The following GTF2F1 variants were observed in gnomAD, a reference collection of about 807,000 sequenced individuals.
GTF2F1 encodes general transcription factor IIF 74 kDa subunit.
GTF2F1 carries 39 observed loss-of-function variants against 63.5 expected under a neutral mutation model. The observed-to-expected ratio is 0.61, with a 90% CI of 0.48 to 0.80. The LOEUF (loss-of-function observed/expected upper bound fraction) is 0.80. Ranked by LOEUF, GTF2F1 falls within the 30% of genes least tolerant of loss-of-function variation. The pLI is 0.00. For synonymous variants in GTF2F1, 287 were observed against 285.3 expected, an observed-to-expected ratio of 1.01 and a Z score of -0.06; for missense variants, 657 against 718.3, an observed-to-expected ratio of 0.91 and a Z score of 0.97.
rs1287834159 is a variant in GTF2F1, at chr19:6,382,816, AAAAG to A, written c.682+491_682+494del. On this transcript the variant is annotated intron_variant, in intron 6 of 12. Transcript: ENST00000394456. ...TCCTGTCTCAAAAAAAAAAAAAAAA[AAAAG>A]AAGGGCCATGGCTCAGCTCTCCCGG... Among the ~76,000 whole-genome samples the A allele has an allele frequency of 5.9e-5, 9 of 151,564 alleles. No individual in the cohort carries two copies. The East Asian group carries it at 1.7e-3, about 29-fold the overall frequency.
chr19:6,385,596 C>G (rs1295798786), intron 5 of GTF2F1, among the ~76,000 whole-genome samples: 1 of 152,066 alleles, frequency 6.6e-6, no homozygotes, highest in Non-Finnish European at 1.5e-5. Context: ...AGGAACTCAA[C>G]CAAAGTGGAG....
Position 6,381,008 on chromosome 19 carries a change from G to T in GTF2F1, c.1127C>A (p.Pro376Gln). 1 of 1,610,980 alleles carries T rather than the reference G, an allele frequency of 6.2e-7. No individual in the cohort carries two copies. Residue 376 changes from proline (P) to glutamine (Q), a missense_variant, in exon 11 of 13, where the codon CCG becomes CAG. Coordinates refer to ENST00000394456, the MANE Select transcript of GTF2F1 (RefSeq NM_002096.3). The surrounding 1 kb of genome is among the most constrained non-coding windows in gnomAD (Gnocchi z 4.1). The part of the protein sequence containing the change: ...KKTPPKRERK[P>Q]SGGSSRGNSR... Reference sequence around the variant, plus strand: ...GTTGCCCCTTGAGCTCCCTCCCGACGGCTTCCGCTCTCTCTTGGGTGGCGT... The same window carrying T: ...GTTGCCCCTTGAGCTCCCTCCCGACTGCTTCCGCTCTCTCTTGGGTGGCGT...
At chr19:6,384,167 G>A (rs537068796) in intron 5 of GTF2F1, among the ~76,000 whole-genome samples, 12 of 151,434 alleles carry the variant, frequency 7.9e-5, no homozygotes, top group East Asian at 3.9e-4. Flanking sequence ...GTTTCCATTG[G>A]AACAATGTAA....
chr19:6,393,118 C>T lies in GTF2F1; in HGVS notation c.-123G>A. On this transcript the variant is annotated 5_prime_UTR_variant, in exon 1 of 13. Coordinates refer to ENST00000394456, the MANE Select transcript of GTF2F1 (RefSeq NM_002096.3). ...TCGGGTCTCTGTGCCTGAGCGAGGA[C>T]CCCAACCCTAGGCGCCTCTGGCGCT... 7.7e-7 allele frequency: 1 copy of T among 1,298,078 alleles called. No homozygotes were observed. Among genetic ancestry groups the T allele is most frequent in the Non-Finnish European group, 1.1e-6 (1 of 907,800 alleles). 80.4% of individuals were successfully genotyped at this position (1,298,078 alleles called of 1,614,324 possible).
In GTF2F1 at chr19:6,380,496, G is replaced by C; in HGVS notation, c.1350-11C>G. The C allele has an allele frequency of 6.2e-7, 1 of 1,613,876 alleles. No homozygotes were observed. Among genetic ancestry groups the C allele is most frequent in the Non-Finnish European group, 8.5e-7 (1 of 1,179,802 alleles). ...GTCACCTGCACGTCGCTGAGGATGG[G>C]AGGACGGGGAAGGTGGCATCAGTGA... is the stretch of plus-strand genomic sequence containing the variant. On this transcript the variant is annotated splice_polypyrimidine_tract_variant and intron_variant, in intron 12 of 12. Coordinates refer to ENST00000394456, the MANE Select transcript of GTF2F1 (RefSeq NM_002096.3). The surrounding 1 kb of genome is among the most constrained non-coding windows in gnomAD (Gnocchi z 5.3).
chr19:6,380,941 G>C lies in GTF2F1; in HGVS notation c.1194C>G (p.Ser398=). 1.3e-6 allele frequency: 2 copies of C among 1,586,828 alleles called. No individual in the cohort carries two copies. The part of the protein sequence containing the change: ...GTPSAEGGST[S]STLRAAASKL... ...TGCTGGCAGCCGCCCGCAGGGTGGA[G>C]GAGGTGCTGCCACCCTCTGCGCTGG... Residue 398 remains serine (S), a synonymous_variant, in exon 11 of 13, where the codon TCC becomes TCG. Coordinates refer to ENST00000394456, the MANE Select transcript of GTF2F1 (RefSeq NM_002096.3). The surrounding 1 kb of genome is among the most constrained non-coding windows in gnomAD (Gnocchi z 5.3).
At chr19:6,382,702 G>C (rs1157628739) in intron 6 of GTF2F1, among the ~76,000 whole-genome samples, 8 of 151,524 alleles carry the variant, frequency 5.3e-5, no homozygotes, top group Non-Finnish European at 1.2e-4. Flanking sequence ...GGAGGCTGAG[G>C]TGGGAGGATC....
intron 5 of GTF2F1, among the ~76,000 whole-genome samples, chr19:6,386,398 ACAC>A: frequency 7.0e-6 from 1 of 142,636 alleles, no homozygotes; most frequent in African/African-American, 2.9e-5. Context: ...AAAAAAAAAC[ACAC>A]AAACAAACAA....
At chr19:6,385,571 T>A (rs1286467600) in intron 5 of GTF2F1, among the ~76,000 whole-genome samples, 2 of 152,058 alleles carry the variant, frequency 1.3e-5, no homozygotes, top group Non-Finnish European at 2.9e-5. Context: ...TCGACTGATT[T>A]TACAGTGGAG....
In GTF2F1 at chr19:6,383,083, G is replaced by A. The variant is rs1385140216; in HGVS notation, c.682+228C>T. 1.3e-5 allele frequency among the ~76,000 whole-genome samples: 2 copies of A among 152,156 alleles called. No homozygotes were observed. The highest frequency in any genetic ancestry group is 2.9e-5 in the Non-Finnish European group (2 of 68,024). ...TGCCCAGCTAATTTTTGTGTTTTCA[G>A]TAGAGACACGGTCTCACTGTGTTGG... On this transcript the variant is annotated intron_variant, in intron 6 of 12. Transcript: ENST00000394456. The surrounding 1 kb of genome is among the most constrained non-coding windows in gnomAD (Gnocchi z 4.5).
Position 6,389,624 on chromosome 19 carries a change from C to T in GTF2F1, c.146G>A (p.Arg49Gln), listed in dbSNP as rs765847643. Residue 49 changes from arginine to glutamine, a missense_variant, in exon 4 of 13, where the codon CGG (arginine) becomes CAG (glutamine). Arg to Gln is a conservative substitution (Grantham distance 43). Transcript: ENST00000394456. ...GTAGATTTTCTTGTTGCTCAAGTCC[C>T]GCTCCAGCCGAGCCTAGGGGAGCAG... ...FATWNQARLE[R>Q]DLSNKKIYQE... 2.2e-5 allele frequency: 35 copies of T among 1,613,532 alleles called. No homozygotes were observed. The highest frequency in any genetic ancestry group is 2.8e-5 in the Non-Finnish European group (33 of 1,179,992).
intron 4 of GTF2F1, among the ~76,000 whole-genome samples, chr19:6,388,449 T>C (rs2091982436): frequency 6.6e-6 from 1 of 152,186 alleles, no homozygotes; most frequent in Non-Finnish European, 1.5e-5. Context: ...CCTGTGTCTG[T>C]CACTATCACC....
chr19:6,383,186 G>T lies in GTF2F1; in HGVS notation c.682+125C>A. Reference sequence around the variant, plus strand: ...CAAAGTGCTGGGATGACAGGCGTGAGCCACTGTGCCCGGCCCCACTTGCCT... The same window carrying T: ...CAAAGTGCTGGGATGACAGGCGTGATCCACTGTGCCCGGCCCCACTTGCCT... On this transcript the variant is annotated intron_variant, in intron 6 of 12. Coordinates refer to ENST00000394456, the MANE Select transcript of GTF2F1 (RefSeq NM_002096.3). This position sits in a 1 kb window ranked among gnomAD's most constrained non-coding sequence, Gnocchi z 4.5. 2 of 987,752 alleles carry T rather than the reference G, an allele frequency of 2.0e-6. No homozygotes were observed. Among genetic ancestry groups the T allele is most frequent in the Non-Finnish European group, 3.1e-6 (2 of 653,706 alleles). The allele number at this position is 987,752 out of a possible 1,614,324, so 61.2% of individuals were successfully genotyped here. A position where few individuals can be genotyped will look rare whatever the true frequency, so the allele number is the denominator to read the frequency against.
intron 2 of GTF2F1, 135 bp downstream of exon 2, chr19:6,392,722 C>A: frequency 1.2e-6 from 1 of 862,272 alleles, no homozygotes. Flanking sequence ...AGCTTAATCC[C>A]AGCCCTGCCC....
At position 6,385,096 on chromosome 19, in the gene GTF2F1, T is replaced by C. The variant is rs748310674; in HGVS notation, c.498-1601A>G. ...TTAGCTAAGTAGATTTAACATCTGATCAAGAGATGGCATTCTGGCCGGGCA... is the reference window on the plus strand; with the variant it reads ...TTAGCTAAGTAGATTTAACATCTGACCAAGAGATGGCATTCTGGCCGGGCA... On this transcript the variant is annotated intron_variant, in intron 5 of 12. Transcript: ENST00000394456. Among the ~76,000 whole-genome samples, 70 of 151,958 alleles carry C rather than the reference T, an allele frequency of 4.6e-4. 1 individual carries two copies. Among genetic ancestry groups the C allele is most frequent in the Non-Finnish European group, 1.6e-4 (11 of 67,994 alleles).
Position 6,381,213 on chromosome 19 carries a change from G to C in GTF2F1, c.1019-18C>G. On this transcript the variant is annotated intron_variant, in intron 9 of 12. Transcript: ENST00000394456. The surrounding 1 kb of genome is among the most constrained non-coding windows in gnomAD (Gnocchi z 4.1). ...GCTGCTGTCTGCGGGGCACAGGAAA[G>C]GGGTCAGGGCCAGAGCAACCCCGGG... is the stretch of plus-strand genomic sequence containing the variant. The C allele has an allele frequency of 6.2e-7, 1 of 1,600,948 alleles. No homozygotes were observed. Among genetic ancestry groups the C allele is most frequent in the Non-Finnish European group, 8.5e-7 (1 of 1,174,476 alleles).
At chr19:6,382,033 AC>A (rs1416854488) in intron 6 of GTF2F1, among the ~76,000 whole-genome samples, 183 bp from the exon 7 acceptor site, 1 of 151,212 alleles carries the variant, frequency 6.6e-6, no homozygotes, top group Non-Finnish European at 1.5e-5. Flanking sequence ...CAGACCCCAC[AC>A]CCCCACCCAC....
intron 5 of GTF2F1, among the ~76,000 whole-genome samples, chr19:6,386,251 G>A (rs2091973433): frequency 2.0e-5 from 3 of 151,698 alleles, no homozygotes; most frequent in Non-Finnish European, 4.4e-5. Context: ...AGGCGTGGTG[G>A]TGCATGCCTG....
rs761867256 is a variant in GTF2F1 at position 6,381,872 on chromosome 19, G to A, written c.683-22C>T. 2 of 1,587,270 alleles carry A rather than the reference G, an allele frequency of 1.3e-6. No individual in the cohort carries two copies. The highest frequency in any genetic ancestry group is 4.5e-5 in the East Asian group (2 of 44,766). On this transcript the variant is annotated intron_variant, in intron 6 of 12. Coordinates refer to ENST00000394456, the MANE Select transcript of GTF2F1 (RefSeq NM_002096.3). The surrounding 1 kb of genome is among the most constrained non-coding windows in gnomAD (Gnocchi z 4.1). ...CCCCCTGGGAAGGGAGGAAAGGAAGGAAAGGAGGGAAAGTGAGGAGGAAGG... is the reference window on the plus strand; with the variant it reads ...CCCCCTGGGAAGGGAGGAAAGGAAGAAAAGGAGGGAAAGTGAGGAGGAAGG...
Sources: allele counts gnomAD v4.1 joint callset (sites outside exome capture counted in the v4.1 genomes callset), GRCh38; gene constraint gnomAD v4.1.1; non-coding constraint Gnocchi (gnomAD v3.1); transcripts MANE v1.5; gene names NCBI Gene and HGNC (gene_info 2026-07-23, HGNC 2026-07-21).